Variants in UNC13C observed in about 807,000 individuals in gnomAD.
The protein encoded by UNC13C is protein unc-13 homolog C.
Under a neutral mutation model 245.4 loss-of-function variants are expected in UNC13C, and 174 were observed. That is an observed-to-expected ratio of 0.71 (90% CI 0.63 to 0.80). The LOEUF (loss-of-function observed/expected upper bound fraction) is 0.80. Among genes scored for constraint, UNC13C ranks in the 30% least tolerant of loss-of-function variants. The pLI is 0.00. For synonymous variants in UNC13C, 992 were observed against 895.1 expected (o/e 1.11, Z -1.93); for missense variants, 2,829 against 2,602.9 (o/e 1.09, Z -1.89).
intron 19 of UNC13C, among the ~76,000 whole-genome samples, chr15:54,472,157 T>C (rs1892497275): frequency 1.3e-5 from 2 of 151,796 alleles, no homozygotes; most frequent in African/African-American, 4.8e-5. Flanking sequence ...ACCCTAATGC[T>C]TACATAAAGC....
chr15:53,879,023 A>C, the UNC13C span, among the ~76,000 whole-genome samples: 9 of 152,202 alleles, frequency 5.9e-5, no homozygotes, highest in African/African-American at 2.2e-4. Flanking sequence ...AGTCACCTGC[A>C]AATTCTTTTT....
At chr15:54,332,668 G>C (rs992252264) in intron 15 of UNC13C, among the ~76,000 whole-genome samples, 8 of 151,874 alleles carry the variant, frequency 5.3e-5, no homozygotes, top group African/African-American at 1.9e-4. Context: ...ATGTGCATAA[G>C]TATACACACA....
At chr15:54,345,171 T>C (rs2038832398) in intron 17 of UNC13C, among the ~76,000 whole-genome samples, 1 of 152,206 alleles carries the variant, frequency 6.6e-6, no homozygotes, top group African/African-American at 2.4e-5. Flanking sequence ...ATGTGAGCAA[T>C]GCTTTACCCC....
chr15:54,286,587 T>G (rs1400815209), intron 10 of UNC13C, among the ~76,000 whole-genome samples: 1 of 152,178 alleles, frequency 6.6e-6, no homozygotes, highest in Non-Finnish European at 1.5e-5. Flanking sequence ...TGGGTTAAAC[T>G]CTGATAACTT....
chr15:54,511,573 T>C (rs1387855591), intron 23 of UNC13C, among the ~76,000 whole-genome samples, 180 bp from the exon 24 acceptor site: 1 of 152,190 alleles, frequency 6.6e-6, no homozygotes, highest in Admixed American at 6.5e-5. Flanking sequence ...TGTGGCATTA[T>C]GTTTCTCTGT....
At chr15:54,177,046 C>T (rs1484435744) in intron 4 of UNC13C, among the ~76,000 whole-genome samples, 1 of 152,028 alleles carries the variant, frequency 6.6e-6, no homozygotes, top group Non-Finnish European at 1.5e-5. Flanking sequence ...ATACTTTTCT[C>T]TTATTATATA....
intron 14 of UNC13C, among the ~76,000 whole-genome samples, chr15:54,326,947 C>A (rs1040697013): frequency 6.6e-6 from 1 of 151,944 alleles, no homozygotes; most frequent in Non-Finnish European, 1.5e-5. Flanking sequence ...TTAGCAAATG[C>A]TAAAAATCAA....
intron 18 of UNC13C, among the ~76,000 whole-genome samples, chr15:54,396,873 T>G (rs2140923243): frequency 6.6e-6 from 1 of 151,238 alleles, no homozygotes; most frequent in Admixed American, 6.6e-5. Flanking sequence ...ATTAGGATGT[T>G]TATCTTATTA....
At chr15:54,470,022 T>C (rs1217198810) in intron 19 of UNC13C, among the ~76,000 whole-genome samples, 1 of 151,626 alleles carries the variant, frequency 6.6e-6, no homozygotes, top group African/African-American at 2.4e-5. Context: ...GATGCTCATA[T>C]GGTCTTTGTT....
chr15:54,074,642 A>C (rs1402814283), intron 2 of UNC13C, among the ~76,000 whole-genome samples: 1 of 152,140 alleles, frequency 6.6e-6, no homozygotes, highest in African/African-American at 2.4e-5. Flanking sequence ...CTTTGTAGCA[A>C]TTATGAATGG....
chr15:54,426,327 T>G (rs2040758819), intron 19 of UNC13C, among the ~76,000 whole-genome samples: 1 of 147,724 alleles, frequency 6.8e-6, no homozygotes, highest in Non-Finnish European at 1.5e-5. Context: ...TATTATCTCG[T>G]ATGGTTGTTG....
intron 19 of UNC13C, among the ~76,000 whole-genome samples, chr15:54,435,289 A>AT (rs2040958183): frequency 6.6e-6 from 1 of 152,156 alleles, no homozygotes; most frequent in Non-Finnish European, 1.5e-5. Flanking sequence ...ACATATGTTT[A>AT]TTGCAGCACT....
intron 17 of UNC13C, among the ~76,000 whole-genome samples, chr15:54,381,517 G>A (rs2039724481): frequency 6.6e-6 from 1 of 152,026 alleles, no homozygotes; most frequent in South Asian, 2.1e-4. Flanking sequence ...GATAGTGATT[G>A]CATTGACTCT....
At chr15:53,936,624 G>A in the UNC13C span, among the ~76,000 whole-genome samples, 2 of 152,292 alleles carry the variant, frequency 1.3e-5, no homozygotes, top group East Asian at 3.9e-4. Flanking sequence ...CATTCAGGCT[G>A]GCATCAGGTC....
intron 4 of UNC13C, among the ~76,000 whole-genome samples, chr15:54,198,459 C>G (rs1490732817): frequency 6.6e-6 from 1 of 152,172 alleles, no homozygotes; most frequent in Admixed American, 6.5e-5. Context: ...GTGTCCACTT[C>G]ACTCCCCTGC....
chr15:54,021,390 T>C (rs1047412635), intron 2 of UNC13C, among the ~76,000 whole-genome samples: 2 of 152,216 alleles, frequency 1.3e-5, no homozygotes, highest in African/African-American at 4.8e-5. Flanking sequence ...TTCTAAAATC[T>C]GTTTCTCTGA....
chr15:53,902,352 G>GCTGGCAGTTGAGGCCAAGAT, the UNC13C span, among the ~76,000 whole-genome samples: 1 of 152,108 alleles, frequency 6.6e-6, no homozygotes, highest in Non-Finnish European at 1.5e-5. Context: ...CCTCAACAGA[G>GCTGGCAGTTGAGGCCAAGAT]CTGGCAGTTG....
chr15:54,365,762 G>GAAAAAAAAA (rs796539719), intron 17 of UNC13C, among the ~76,000 whole-genome samples: 10 of 134,010 alleles, frequency 7.5e-5, no homozygotes, highest in African/African-American at 2.4e-4. Flanking sequence ...AAGAAAAAAA[G>GAAAAAAAAA]AAAAAAAAAA....
At chr15:54,067,512 G>C (rs1201590652) in intron 2 of UNC13C, among the ~76,000 whole-genome samples, 1 of 152,170 alleles carries the variant, frequency 6.6e-6, no homozygotes, top group Non-Finnish European at 1.5e-5. Context: ...GGTAAAGCTT[G>C]TCTCTATGAT....
Sources: gnomAD v4.1 joint callset for allele counts (sites outside exome capture counted in the v4.1 genomes callset) on GRCh38, gnomAD v4.1.1 for gene constraint, MANE v1.5 for transcripts, NCBI Gene and HGNC (gene_info 2026-07-23, HGNC 2026-07-21) for gene names.